The following KCNS3 variants were observed in gnomAD, a reference collection of about 807,000 sequenced individuals.
KCNS3 encodes potassium voltage-gated channel modifier subfamily S member 3.
Under a neutral mutation model 31.0 loss-of-function variants are expected in KCNS3, and 13 were observed. That is an observed-to-expected ratio of 0.42 (90% CI 0.27 to 0.67). The LOEUF is 0.67. Among genes scored for constraint, KCNS3 ranks in the 30% least tolerant of loss-of-function variants. The pLI, the probability that KCNS3 is intolerant of heterozygous loss-of-function variation, is 0.25. For missense variants in KCNS3, 545 were observed against 622.4 expected (o/e 0.88, Z 1.32); for synonymous variants, 238 against 241.5 (o/e 0.99, Z 0.13).
chr2:17,886,678 G>A (rs1033977000), intron 1 of KCNS3, among the ~76,000 whole-genome samples: 3 of 137,080 alleles, frequency 2.2e-5, no homozygotes, highest in East Asian at 3.9e-4. Flanking sequence ...CCATCCATCC[G>A]TCCGTCCATC....
intron 1 of KCNS3, among the ~76,000 whole-genome samples, chr2:17,893,985 G>T (rs1458543285): frequency 7.2e-6 from 1 of 139,664 alleles, no homozygotes; most frequent in Admixed American, 7.2e-5. Flanking sequence ...TATGTATGGG[G>T]GTTTGAAGTA....
At chr2:17,894,261 A>G (rs949459485) in intron 1 of KCNS3, among the ~76,000 whole-genome samples, 1 of 152,116 alleles carries the variant, frequency 6.6e-6, no homozygotes, top group Non-Finnish European at 1.5e-5. Context: ...GGTTTTGAGT[A>G]CCAGGACCGG....
At chr2:17,924,877 A>G (rs1218643076) in intron 2 of KCNS3, among the ~76,000 whole-genome samples, 1 of 152,194 alleles carries the variant, frequency 6.6e-6, no homozygotes, top group Non-Finnish European at 1.5e-5. Flanking sequence ...GCTGGGAAGT[A>G]TGCCTTTCTC....
intron 1 of KCNS3, among the ~76,000 whole-genome samples, chr2:17,885,191 G>A (rs1271413374): frequency 6.6e-6 from 1 of 152,146 alleles, no homozygotes; most frequent in Non-Finnish European, 1.5e-5. Context: ...GTCTAGTGGT[G>A]AGGAGACAGT....
rs568285818 is a variant in KCNS3 at position 17,912,197 on chromosome 2, GAAA to G, written c.-251-5482_-251-5480del. ...TTCTTCAGGACACATGCCAAAATGTGAAACCCTGGGATTTTGTGATACACATTG... is the reference window on the plus strand; with the variant it reads ...TTCTTCAGGACACATGCCAAAATGTGCCCTGGGATTTTGTGATACACATTG... On this transcript the variant is annotated intron_variant, in intron 1 of 2. Transcript: ENST00000304101. 9.2e-5 allele frequency among the ~76,000 whole-genome samples: 14 copies of G among 152,318 alleles called. No individual in the cohort carries two copies. The South Asian group carries it at 2.1e-3, about 23-fold the overall frequency.
intron 2 of KCNS3, among the ~76,000 whole-genome samples, chr2:17,924,280 A>G (rs1344601427): frequency 6.6e-6 from 1 of 151,920 alleles, no homozygotes; most frequent in African/African-American, 2.4e-5. Context: ...TTTTCTATAT[A>G]CAAGATCATG....
intron 1 of KCNS3, among the ~76,000 whole-genome samples, chr2:17,882,976 G>C (rs1674677220): frequency 1.3e-5 from 2 of 152,162 alleles, no homozygotes; most frequent in Admixed American, 6.5e-5. Context: ...TTGTGGGCAA[G>C]AGGTCTCATT....
chr2:17,928,520 G>A (rs764455311), intron 2 of KCNS3, among the ~76,000 whole-genome samples: 4 of 152,126 alleles, frequency 2.6e-5, no homozygotes, highest in Non-Finnish European at 5.9e-5. Context: ...ATCTGTCTTG[G>A]CCTCCCAAAG....
At chr2:17,885,767 A>C (rs1661641256) in intron 1 of KCNS3, among the ~76,000 whole-genome samples, 1 of 152,182 alleles carries the variant, frequency 6.6e-6, no homozygotes, top group South Asian at 2.1e-4. Context: ...TCTCTTCCAA[A>C]ATACCCTCAC....
chr2:17,897,322 T>C (rs536586145), intron 1 of KCNS3, among the ~76,000 whole-genome samples: 2 of 152,376 alleles, frequency 1.3e-5, no homozygotes, highest in East Asian at 3.9e-4. Context: ...TGATTCCATG[T>C]CTTTGCTATT....
At chr2:17,902,334 CTGTGTGTGTGTGTGTGTG>C (rs61498649) in intron 1 of KCNS3, among the ~76,000 whole-genome samples, 45 of 149,630 alleles carry the variant, frequency 3.0e-4, no homozygotes, top group African/African-American at 8.1e-4. Flanking sequence ...GGTTGGGAGA[CTGTGTGTGTGTGTGTGTG>C]TGTGTGTGTG....
chr2:17,895,871 G>A (rs983384706), intron 1 of KCNS3, among the ~76,000 whole-genome samples: 8 of 152,142 alleles, frequency 5.3e-5, no homozygotes, highest in African/African-American at 1.9e-4. Context: ...GTGTGGTGCA[G>A]CTGGGGATGG....
Position 17,907,859 on chromosome 2 carries a change from G to A in KCNS3, c.-251-9821G>A, listed in dbSNP as rs187541249. Among the ~76,000 whole-genome samples the A allele has an allele frequency of 5.0e-4, 76 of 152,296 alleles. 1 individual carries two copies. The highest frequency in any genetic ancestry group is 1.7e-3 in the African/African-American group (71 of 41,548). On this transcript the variant is annotated intron_variant, in intron 1 of 2. Coordinates refer to ENST00000304101, the MANE Select transcript of KCNS3 (RefSeq NM_002252.5). The stretch of plus-strand genomic sequence containing the variant: ...TAGTCTGATGGGTTTCCCTTTGTGG[G>A]CAACCCGACCTTTCTCTCTGGCTGC...
At chr2:17,905,079 T>A (rs148348442) in intron 1 of KCNS3, among the ~76,000 whole-genome samples, 7,204 of 152,312 alleles carry the variant, frequency 0.047, 284 homozygotes, top group Non-Finnish European at 0.067. Flanking sequence ...ATAATGATTC[T>A]TCCTATCCAT....
At chr2:17,900,670 A>G (rs917914798) in intron 1 of KCNS3, among the ~76,000 whole-genome samples, 2 of 151,922 alleles carry the variant, frequency 1.3e-5, no homozygotes, top group Admixed American at 6.6e-5. Flanking sequence ...TTGTATTTTT[A>G]GTAGAGACAG....
chr2:17,890,900 G>A (rs969790631), intron 1 of KCNS3, among the ~76,000 whole-genome samples: 6 of 152,082 alleles, frequency 3.9e-5, no homozygotes, highest in Admixed American at 3.9e-4. Flanking sequence ...TGTATTCTGT[G>A]GTTGTTGGAT....
chr2:17,906,698 G>A (rs1410571794), intron 1 of KCNS3, among the ~76,000 whole-genome samples: 1 of 152,136 alleles, frequency 6.6e-6, no homozygotes, highest in Non-Finnish European at 1.5e-5. Flanking sequence ...CTTTATTTCT[G>A]CCTTCATTTC....
chr2:17,927,251 A>G (rs1410435510), intron 2 of KCNS3, among the ~76,000 whole-genome samples: 1 of 152,208 alleles, frequency 6.6e-6, no homozygotes, highest in African/African-American at 2.4e-5. Flanking sequence ...CTCATTGTCC[A>G]TATCACTACC....
chr2:17,882,325 A>G (rs1674662204), intron 1 of KCNS3, among the ~76,000 whole-genome samples: 1 of 152,222 alleles, frequency 6.6e-6, no homozygotes, highest in Non-Finnish European at 1.5e-5. Flanking sequence ...GGGATATCTC[A>G]TTCCAGTCCT....
Sources: gnomAD v4.1 joint callset for allele counts (sites outside exome capture counted in the v4.1 genomes callset) on GRCh38, gnomAD v4.1.1 for gene constraint, MANE v1.5 for transcripts, NCBI Gene and HGNC (gene_info 2026-07-23, HGNC 2026-07-21) for gene names.